The following SORCS1 variants were observed in gnomAD, a reference collection of about 807,000 sequenced individuals.
The protein encoded by SORCS1 is sortilin related VPS10 domain containing receptor 1, also known as VPS10 domain-containing receptor SorCS1.
SORCS1 carries 60 observed loss-of-function variants against 146.1 expected under a neutral mutation model. That is an observed-to-expected ratio of 0.41 (90% CI 0.33 to 0.51). SORCS1 has a LOEUF of 0.51. Among genes scored for constraint, SORCS1 ranks in the 20% least tolerant of loss-of-function variants. The probability of loss-of-function intolerance (pLI) is 0.21; values close to 1 mark genes in which losing one functional copy is unlikely to be tolerated. For missense variants in SORCS1, 1,352 were observed against 1,487.6 expected (o/e 0.91, Z 1.50); for synonymous variants, 637 against 584.0 (o/e 1.09, Z -1.31).
intron 2 of SORCS1, among the ~76,000 whole-genome samples, chr10:106,890,229 C>T (rs1336719081): frequency 6.6e-6 from 1 of 152,200 alleles, no homozygotes; most frequent in Non-Finnish European, 1.5e-5. Flanking sequence ...CCCTTTCTCA[C>T]TGGGAACTCT....
chr10:106,618,745 C>T (rs1847544526), intron 20 of SORCS1, among the ~76,000 whole-genome samples: 1 of 152,130 alleles, frequency 6.6e-6, no homozygotes, highest in African/African-American at 2.4e-5. Flanking sequence ...AACATGAATC[C>T]GGTACACCAA....
intron 2 of SORCS1, among the ~76,000 whole-genome samples, chr10:106,897,365 C>G (rs1030237216): frequency 1.3e-5 from 2 of 152,138 alleles, no homozygotes; most frequent in East Asian, 3.9e-4. Flanking sequence ...CCAGAAATGA[C>G]AAAGGTTTTT....
intron 6 of SORCS1, among the ~76,000 whole-genome samples, chr10:106,720,181 G>A (rs188031026): frequency 2.0e-5 from 3 of 152,116 alleles, no homozygotes; most frequent in Non-Finnish European, 4.4e-5. Context: ...TAAACTTTAT[G>A]AGAGCAGAGC....
intron 1 of SORCS1, among the ~76,000 whole-genome samples, chr10:106,988,630 A>G (rs1337992816): frequency 6.6e-6 from 1 of 152,158 alleles, no homozygotes; most frequent in African/African-American, 2.4e-5. Flanking sequence ...GCCTTTCCAG[A>G]ATTATACACT....
chr10:106,591,506 C>T lies in SORCS1; in HGVS notation c.3265+5845G>A, dbSNP rs114797490. On this transcript the variant is annotated intron_variant, in intron 24 of 25. Transcript: ENST00000263054. ...ATAAACTGGATCTGAAGGTTAACTG[C>T]GGGAATGGGATTTTGAATATATCTC... is the stretch of plus-strand genomic sequence containing the variant. Among the ~76,000 whole-genome samples the T allele has an allele frequency of 3.2e-3, 481 of 152,104 alleles. 2 individuals are homozygous for T. Among genetic ancestry groups the T allele is most frequent in the African/African-American group, 0.011 (460 of 41,478 alleles).
chr10:106,934,732 T>TA (rs893006442), intron 2 of SORCS1, among the ~76,000 whole-genome samples: 2 of 152,122 alleles, frequency 1.3e-5, no homozygotes, highest in Non-Finnish European at 2.9e-5. Flanking sequence ...TACTCAGCCA[T>TA]AAAAAAGAAC....
chr10:106,927,055 G>C (rs1412187175), intron 2 of SORCS1, among the ~76,000 whole-genome samples: 3 of 152,156 alleles, frequency 2.0e-5, no homozygotes, highest in Admixed American at 6.5e-5. Context: ...ACTTGGATGA[G>C]AGTGACAGGA....
chr10:106,726,185 CTTTTTTTT>C (rs1169402270), intron 6 of SORCS1, among the ~76,000 whole-genome samples: 3 of 66,300 alleles, frequency 4.5e-5, no homozygotes, highest in Non-Finnish European at 8.5e-5. Flanking sequence ...CTTTCCCTCT[CTTTTTTTT>C]TTTTTTTTTT....
intron 1 of SORCS1, among the ~76,000 whole-genome samples, chr10:107,153,517 G>C (rs1165420835): frequency 6.6e-6 from 1 of 152,176 alleles, no homozygotes; most frequent in Non-Finnish European, 1.5e-5. Flanking sequence ...AACTACCATG[G>C]ATCATTCTCT....
chr10:107,074,496 G>C (rs1962715625), intron 1 of SORCS1, among the ~76,000 whole-genome samples: 1 of 152,182 alleles, frequency 6.6e-6, no homozygotes, highest in Admixed American at 6.5e-5. Context: ...AAACAAAGCT[G>C]CTATAAACAG....
intron 1 of SORCS1, among the ~76,000 whole-genome samples, chr10:107,031,666 C>T (rs896227150): frequency 4.0e-5 from 6 of 151,374 alleles, no homozygotes; most frequent in Non-Finnish European, 8.8e-5. Flanking sequence ...TGTAGTGACA[C>T]AATCATAGTG....
At chr10:106,867,610 A>T (rs73374960) in intron 2 of SORCS1, among the ~76,000 whole-genome samples, 2,889 of 152,310 alleles carry the variant, frequency 0.019, 88 homozygotes, top group African/African-American at 0.065. Flanking sequence ...AGAAAAAAAA[A>T]TTCCTCACCA....
At chr10:106,851,150 G>T (rs1949555005) in intron 2 of SORCS1, among the ~76,000 whole-genome samples, 1 of 152,130 alleles carries the variant, frequency 6.6e-6, no homozygotes, top group African/African-American at 2.4e-5. Context: ...CCAGTCTGTG[G>T]CTTGTCTTCT....
At chr10:107,123,970 C>T (rs12761554) in intron 1 of SORCS1, among the ~76,000 whole-genome samples, 12,789 of 151,060 alleles carry the variant, frequency 0.085, 620 homozygotes, top group African/African-American at 0.14. Flanking sequence ...ACCTGTAGTC[C>T]CAGCTACTCG....
At chr10:106,889,575 G>A (rs1174142646) in intron 2 of SORCS1, among the ~76,000 whole-genome samples, 2 of 151,216 alleles carry the variant, frequency 1.3e-5, no homozygotes, top group African/African-American at 4.9e-5. Flanking sequence ...CAACCTGGCT[G>A]ACACAGGTGA....
chr10:106,696,554 A>G (rs1437765098), intron 9 of SORCS1, among the ~76,000 whole-genome samples: 1 of 152,174 alleles, frequency 6.6e-6, no homozygotes, highest in Non-Finnish European at 1.5e-5. Flanking sequence ...GCACCTTTAC[A>G]TAATACAGTC....
At position 106,808,899 on chromosome 10, in the gene SORCS1, C is replaced by T. The variant is rs146409094; in HGVS notation, c.726+20675G>A. Among the ~76,000 whole-genome samples, 53 of 152,272 alleles carry T rather than the reference C, an allele frequency of 3.5e-4. No homozygotes were observed. The East Asian group carries it at 8.9e-3, about 25-fold the overall frequency. Reference sequence around the variant, plus strand: ...TTCATCCCATTTAGAGATCTTTGTTCTCAATCTGAAACTCCCTCCACTCTA... The same window carrying T: ...TTCATCCCATTTAGAGATCTTTGTTTTCAATCTGAAACTCCCTCCACTCTA... On this transcript the variant is annotated intron_variant, in intron 3 of 25. Transcript: ENST00000263054.
At chr10:107,081,633 T>C (rs1225314097) in intron 1 of SORCS1, among the ~76,000 whole-genome samples, 1 of 152,184 alleles carries the variant, frequency 6.6e-6, no homozygotes, top group East Asian at 1.9e-4. Context: ...ACTTAGTCTA[T>C]TTATAAATGC....
chr10:106,668,860 T>C (rs1489419963), intron 16 of SORCS1, among the ~76,000 whole-genome samples: 2 of 152,078 alleles, frequency 1.3e-5, no homozygotes, highest in East Asian at 1.9e-4. Flanking sequence ...TGGGGGACTG[T>C]CCAGGAGAGG....
Sources: allele counts gnomAD v4.1 joint callset (sites outside exome capture counted in the v4.1 genomes callset), GRCh38; gene constraint gnomAD v4.1.1; transcripts MANE v1.5; gene names NCBI Gene and HGNC (gene_info 2026-07-23, HGNC 2026-07-21).